Variants in RAPGEF2 observed in about 807,000 individuals in gnomAD.
The protein encoded by RAPGEF2 is PDZ domain containing guanine nucleotide exchange factor (GEF) 1.
A neutral mutation model predicts 186.7 loss-of-function variants in RAPGEF2; 54 were observed. That is an observed-to-expected ratio of 0.29 (90% CI 0.23 to 0.36). RAPGEF2 has a LOEUF of 0.36. RAPGEF2 is among the 10% of genes least tolerant of loss of function. The pLI, the probability that RAPGEF2 is intolerant of heterozygous loss-of-function variation, is 1.00. For missense variants in RAPGEF2, 1,532 were observed against 2,045.0 expected, an observed-to-expected ratio of 0.75 and a Z score of 4.84; for synonymous variants, 712 against 705.9, an observed-to-expected ratio of 1.01 and a Z score of -0.14.
chr4:159,255,069 G>A (rs1755990041), intron 7 of RAPGEF2, among the ~76,000 whole-genome samples: 1 of 152,140 alleles, frequency 6.6e-6, no homozygotes, highest in Non-Finnish European at 1.5e-5. Context: ...TTGTCTGCAG[G>A]ATTCAGTACA....
chr4:159,278,072 T>G (rs947099871), intron 7 of RAPGEF2, among the ~76,000 whole-genome samples: 1 of 152,204 alleles, frequency 6.6e-6, no homozygotes, highest in Non-Finnish European at 1.5e-5. Flanking sequence ...GTTTTTATAG[T>G]TTTAGGTCTA....
intron 1 of RAPGEF2, among the ~76,000 whole-genome samples, chr4:159,175,304 T>G (rs541629968): frequency 6.6e-6 from 1 of 152,306 alleles, no homozygotes; most frequent in South Asian, 2.1e-4. Flanking sequence ...TAATTTTTTT[T>G]TTGAAAACCA....
At chr4:159,337,680 G>T (rs1372538495) in intron 17 of RAPGEF2, among the ~76,000 whole-genome samples, 2 of 148,064 alleles carry the variant, frequency 1.4e-5, no homozygotes, top group African/African-American at 5.0e-5. Flanking sequence ...ACAAGGTCAG[G>T]AGATCGAGAC....
chr4:159,190,024 G>C (rs1409730365), intron 2 of RAPGEF2, among the ~76,000 whole-genome samples: 2 of 152,122 alleles, frequency 1.3e-5, no homozygotes, highest in Admixed American at 1.3e-4. Context: ...GACAGCTCTG[G>C]CTTTGGAGTC....
At chr4:159,330,283 GTGTGTGTGTGTGTATA>G (rs769095956) in intron 12 of RAPGEF2, 35 bp from the exon 13 acceptor site, 7 of 880,658 alleles carry the variant, frequency 7.9e-6, no homozygotes, top group Non-Finnish European at 1.2e-5. Flanking sequence ...GTGTGTGTGT[GTGTGTGTGTGTGTATA>G]TATATGTAGT....
intron 28 of RAPGEF2, among the ~76,000 whole-genome samples, chr4:159,354,938 A>T (rs1339570711): frequency 6.6e-6 from 1 of 152,258 alleles, no homozygotes; most frequent in African/African-American, 2.4e-5. Context: ...ATTCTGGAGT[A>T]TAATCATTAC....
chr4:159,206,551 A>G (rs1249878413), intron 3 of RAPGEF2, among the ~76,000 whole-genome samples: 1 of 152,232 alleles, frequency 6.6e-6, no homozygotes, highest in Non-Finnish European at 1.5e-5. Flanking sequence ...TCTTAAAAAA[A>G]CCATCACTTT....
At chr4:159,252,158 T>G (rs1207249668) in intron 7 of RAPGEF2, among the ~76,000 whole-genome samples, 1 of 152,150 alleles carries the variant, frequency 6.6e-6, no homozygotes, top group African/African-American at 2.4e-5. Context: ...CTTTTCAGGC[T>G]TAAGAGATCC....
intron 1 of RAPGEF2, among the ~76,000 whole-genome samples, chr4:159,112,080 G>A (rs1429240699): frequency 6.6e-6 from 1 of 152,162 alleles, no homozygotes; most frequent in Non-Finnish European, 1.5e-5. Context: ...TACAGTATAT[G>A]GCCTTTGGAG....
rs61758815 is a variant in RAPGEF2, at chr4:159,322,373, T to C, written c.880T>C (p.Leu294=). 2,271 of 1,613,904 alleles carry C rather than the reference T, an allele frequency of 1.4e-3. 3 individuals are homozygous for C. Among genetic ancestry groups the C allele is most frequent in the Non-Finnish European group, 1.7e-3 (2,010 of 1,179,864 alleles). ...IEQLLEFMHQ[L]PAFANMTMSV... Reference sequence around the variant, plus strand: ...ACAACTCTTGGAATTTATGCACCAGTTGCCTGCTTTTGCCAATATGACAAT... The same window carrying C: ...ACAACTCTTGGAATTTATGCACCAGCTGCCTGCTTTTGCCAATATGACAAT... Residue 294 remains leucine, a synonymous_variant, in exon 10 of 30, where the codon TTG becomes CTG. Transcript: ENST00000691494.
At chr4:159,108,272 A>C (rs1344050658) in intron 1 of RAPGEF2, among the ~76,000 whole-genome samples, 1 of 152,256 alleles carries the variant, frequency 6.6e-6, no homozygotes, top group South Asian at 2.1e-4. Context: ...TTAGCTTTGC[A>C]TATCTTGGCT....
At chr4:159,191,750 A>T (rs1211389469) in intron 2 of RAPGEF2, among the ~76,000 whole-genome samples, 2 of 152,270 alleles carry the variant, frequency 1.3e-5, no homozygotes, top group Admixed American at 1.3e-4. Flanking sequence ...AATAATAATA[A>T]TGATAATAAT....
intron 29 of RAPGEF2, among the ~76,000 whole-genome samples, chr4:159,357,221 C>T (rs1732157706): frequency 6.6e-6 from 1 of 152,094 alleles, no homozygotes; most frequent in Admixed American, 6.6e-5. Flanking sequence ...ATGACCCAGG[C>T]GTGGTGGCGT....
intron 1 of RAPGEF2, among the ~76,000 whole-genome samples, chr4:159,146,158 T>C (rs879812203): frequency 4.6e-5 from 7 of 152,198 alleles, no homozygotes; most frequent in African/African-American, 1.4e-4. Flanking sequence ...GTCATTGTTA[T>C]ATAATTCTAT....
intron 7 of RAPGEF2, among the ~76,000 whole-genome samples, chr4:159,248,792 C>T (rs1754957911): frequency 6.6e-6 from 1 of 152,196 alleles, no homozygotes; most frequent in African/African-American, 2.4e-5. Flanking sequence ...ATGCTATTAA[C>T]AGCATGCATT....
intron 1 of RAPGEF2, among the ~76,000 whole-genome samples, chr4:159,165,066 T>G (rs550929358): frequency 2.9e-4 from 44 of 152,312 alleles, no homozygotes; most frequent in African/African-American, 9.9e-4. Context: ...AAGAATTTTT[T>G]TTTTCTTTTT....
At chr4:159,354,146 T>A (rs1271049952) in intron 28 of RAPGEF2, 100 bp downstream of exon 28, 1 of 1,250,192 alleles carries the variant, frequency 8.0e-7, no homozygotes, top group African/African-American at 1.5e-5. Context: ...CTTTTCCTCA[T>A]TTTCTCCATT....
chr4:159,329,948 A>T lies in RAPGEF2; in HGVS notation c.1240A>T (p.Met414Leu). ...QKVEEEGEIV[M>L]VKEHRELDRT... Reference sequence around the variant, plus strand: ...AGTTGAAGAGGAAGGAGAGATTGTTATGGTGAAAGAACACCGAGAACTTGA... The same window carrying T: ...AGTTGAAGAGGAAGGAGAGATTGTTTTGGTGAAAGAACACCGAGAACTTGA... Residue 414 changes from methionine to leucine, a missense_variant, in exon 12 of 30, where the codon ATG (methionine) becomes TTG (leucine). Met to Leu is a conservative substitution (Grantham distance 15). Around this residue, in one of 4 missense-constraint regions of RAPGEF2, gnomAD observed 810 missense variants for 1,210.5 expected, o/e 0.67. Coordinates refer to ENST00000691494, the MANE Select transcript of RAPGEF2 (RefSeq NM_001394067.2). The T allele has an allele frequency of 6.2e-7, 1 of 1,613,600 alleles. No individual in the cohort carries two copies. The highest frequency in any genetic ancestry group is 8.5e-7 in the Non-Finnish European group (1 of 1,179,656).
chr4:159,164,293 T>C (rs968444057), intron 1 of RAPGEF2, among the ~76,000 whole-genome samples: 5 of 140,742 alleles, frequency 3.6e-5, no homozygotes, highest in Admixed American at 1.5e-4. Flanking sequence ...CGTGAGCCAC[T>C]GCACCCGGCT....
Sources: allele counts gnomAD v4.1 joint callset (sites outside exome capture counted in the v4.1 genomes callset), GRCh38; gene constraint gnomAD v4.1.1; regional missense constraint gnomAD v4.1.1; transcripts MANE v1.5; gene names NCBI Gene and HGNC (gene_info 2026-07-23, HGNC 2026-07-21).